SYCP2L: variants seen among roughly 807,000 people sequenced by gnomAD.
The protein encoded by SYCP2L is synaptonemal complex protein 2-like.
SYCP2L carries 98 observed loss-of-function variants against 125.8 expected under a neutral mutation model. The ratio of observed to expected loss-of-function variants is 0.78; its 90% CI spans 0.66 to 0.92. The LOEUF (loss-of-function observed/expected upper bound fraction) is 0.92. Ranked by LOEUF, SYCP2L falls within the 40% of genes least tolerant of loss-of-function variation. The probability of loss-of-function intolerance (pLI) is 0.00; values close to 1 mark genes in which losing one functional copy is unlikely to be tolerated. For missense variants in SYCP2L, 842 were observed against 936.4 expected (o/e 0.90, Z 1.32); for synonymous variants, 317 against 325.4 (o/e 0.97, Z 0.28).
chr6:10,907,774 AT>A (rs1199164824), intron 10 of SYCP2L, 90 bp downstream of exon 10: 4 of 1,388,620 alleles, frequency 2.9e-6, no homozygotes, highest in Non-Finnish European at 3.9e-6. Context: ...TTACGGGAGG[AT>A]TTTTTTGCTT....
chr6:10,931,811 A>G (rs190461515), intron 20 of SYCP2L, among the ~76,000 whole-genome samples: 119 of 152,164 alleles, frequency 7.8e-4, no homozygotes, highest in Non-Finnish European at 9.7e-4. Flanking sequence ...CAAAAAATAC[A>G]AAAATTAGCC....
At chr6:10,967,513 GA>G (rs1291463886) in intron 29 of SYCP2L, among the ~76,000 whole-genome samples, 1 of 144,050 alleles carries the variant, frequency 6.9e-6, no homozygotes, top group East Asian at 2.1e-4. Flanking sequence ...GAGAAAAAAA[GA>G]AAAACCATTA....
chr6:10,887,169 C>G, intron 1 of SYCP2L, 34 bp downstream of exon 1: 1 of 1,613,980 alleles, frequency 6.2e-7, no homozygotes, highest in South Asian at 1.1e-5. Context: ...GACCTTCTGT[C>G]CACAGTGCTA....
chr6:10,958,873 C>T lies in SYCP2L; in HGVS notation c.2253C>T (p.Phe751=). The part of the protein sequence containing the change: ...LIKLLNQMQL[F]RLNKLERFQN... The stretch of plus-strand genomic sequence containing the variant: ...AACTTTTAAACCAGATGCAACTGTT[C>T]AGGTAAGTTTTAGGTTTCAAAACAA... Residue 751 remains phenylalanine, a splice_region_variant and synonymous_variant, in exon 26 of 30, where the codon TTC becomes TTT. Coordinates refer to ENST00000283141, the MANE Select transcript of SYCP2L (RefSeq NM_001040274.3). The T allele has an allele frequency of 6.2e-7, 1 of 1,613,734 alleles. No homozygotes were observed. The highest frequency in any genetic ancestry group is 1.1e-5 in the South Asian group (1 of 91,026).
intron 10 of SYCP2L, among the ~76,000 whole-genome samples, chr6:10,909,833 A>G (rs1780573786): frequency 6.6e-6 from 1 of 152,202 alleles, no homozygotes; most frequent in Admixed American, 6.5e-5. Context: ...CATCAGTAAG[A>G]CGTATTTATC....
intron 6 of SYCP2L, among the ~76,000 whole-genome samples, chr6:10,900,073 A>C (rs755342996): frequency 1.3e-5 from 2 of 152,148 alleles, no homozygotes; most frequent in Non-Finnish European, 2.9e-5. Context: ...TGCTATAATG[A>C]CTTTCATTGC....
rs1561678758 is a variant in SYCP2L, at chr6:10,893,974, A to G, written c.186A>G (p.Leu62=). 4 of 1,611,890 alleles carry G rather than the reference A, an allele frequency of 2.5e-6. No homozygotes were observed. Among genetic ancestry groups the G allele is most frequent in the African/African-American group, 1.3e-5 (1 of 74,908 alleles). Residue 62 remains leucine (L), a synonymous_variant, in exon 3 of 30, where the codon CTA becomes CTG. Transcript: ENST00000283141. ...TTCCTCAAAAATATAATCGTCTTCTATTATACCGTCTTGACAGATCAATAA... is the reference window on the plus strand; with the variant it reads ...TTCCTCAAAAATATAATCGTCTTCTGTTATACCGTCTTGACAGATCAATAA... ...SHFPQKYNRL[L]LYRLDRSINK... is the part of the protein sequence containing the mutation.
At chr6:10,910,792 T>C in intron 11 of SYCP2L, 32 bp from the exon 12 acceptor site, 2 of 1,612,174 alleles carry the variant, frequency 1.2e-6, no homozygotes, top group Non-Finnish European at 1.7e-6. Flanking sequence ...TTCATTCATG[T>C]TTTATTTTTT....
At chr6:10,961,221 C>A (rs2295599) in intron 26 of SYCP2L, 84 bp from the exon 27 acceptor site, 227,580 of 1,071,890 alleles carry the variant, frequency 0.21, 28,554 homozygotes, top group East Asian at 0.45. Flanking sequence ...TCTGAAGTAT[C>A]CTTGTAATCA....
chr6:10,971,414 T>A (rs1460771234), intron 29 of SYCP2L, among the ~76,000 whole-genome samples: 1 of 143,168 alleles, frequency 7.0e-6, no homozygotes, highest in Non-Finnish European at 1.5e-5. Flanking sequence ...GCCGAGATCG[T>A]GCCACTGCAT....
rs544649024 is a variant in SYCP2L, at chr6:10,958,731, A to G, written c.2164-53A>G. On this transcript the variant is annotated intron_variant, in intron 25 of 29. Transcript: ENST00000283141. ...CTTTTTAACACAAAGCATGCACTCA[A>G]CTTATGTAATTATATTAAATGTGAT... The G allele has an allele frequency of 2.6e-6, 4 of 1,515,560 alleles. No homozygotes were observed. The East Asian group carries it at 6.8e-5, about 26-fold the overall frequency. The allele number at this position is 1,515,560 out of a possible 1,614,324, so 93.9% of individuals were successfully genotyped here.
chr6:10,958,204 T>C (rs1034248186), intron 25 of SYCP2L, among the ~76,000 whole-genome samples: 6 of 139,818 alleles, frequency 4.3e-5, no homozygotes, highest in African/African-American at 1.7e-4. Context: ...CGAGACTGGA[T>C]AATTTATTTT....
At chr6:10,955,059 C>A in intron 23 of SYCP2L, 57 bp from the exon 24 acceptor site, 1 of 1,312,598 alleles carries the variant, frequency 7.6e-7, no homozygotes, top group African/African-American at 1.4e-5. Context: ...CATTAACTGC[C>A]AAAAAATGAA....
intron 14 of SYCP2L, 26 bp from the exon 15 acceptor site, chr6:10,924,470 C>A: frequency 1.3e-6 from 2 of 1,521,136 alleles, no homozygotes; most frequent in Admixed American, 2.3e-5. Flanking sequence ...TGTTGCTATG[C>A]ATTGATATTC....
rs1462909560 is a variant in SYCP2L, at chr6:10,928,228, CAAGG to C, written c.1441-174_1441-171del. ...AGGGTATTGTGATACCCTTGTGATA[CAAGG>C]GTATCACAAGGCATAGGAAATCACA... On this transcript the variant is annotated intron_variant, in intron 17 of 29. Coordinates refer to ENST00000283141, the MANE Select transcript of SYCP2L (RefSeq NM_001040274.3). Among the ~76,000 whole-genome samples, 3 of 151,516 alleles carry C rather than the reference CAAGG, an allele frequency of 2.0e-5. No individual in the cohort carries two copies. In the East Asian group the frequency reaches 5.8e-4, roughly 29 times the overall value.
intron 26 of SYCP2L, among the ~76,000 whole-genome samples, chr6:10,959,597 T>C (rs1189258825): frequency 1.3e-5 from 2 of 152,076 alleles, no homozygotes; most frequent in Non-Finnish European, 2.9e-5. Context: ...CAGCCAGGCG[T>C]GGTGGCTCAC....
chr6:10,922,931 A>G (rs1159169196), intron 14 of SYCP2L: 1 of 152,220 alleles, frequency 6.6e-6, no homozygotes, highest in Non-Finnish European at 1.5e-5. Context: ...TATATCCTGG[A>G]ATAATAATAT....
chr6:10,943,047 C>T (rs532360259), intron 23 of SYCP2L, among the ~76,000 whole-genome samples: 2 of 152,166 alleles, frequency 1.3e-5, no homozygotes, highest in African/African-American at 4.8e-5. Flanking sequence ...GGCACAGTGG[C>T]GGTACTTTGC....
intron 9 of SYCP2L, among the ~76,000 whole-genome samples, chr6:10,906,983 T>C (rs547605152): frequency 2.2e-4 from 34 of 152,256 alleles, no homozygotes; most frequent in African/African-American, 7.9e-4. Context: ...ATAAATATTA[T>C]TTATTTAAAA....
Sources: gnomAD v4.1 joint callset for allele counts (sites outside exome capture counted in the v4.1 genomes callset) on GRCh38, gnomAD v4.1.1 for gene constraint, MANE v1.5 for transcripts, NCBI Gene and HGNC (gene_info 2026-07-23, HGNC 2026-07-21) for gene names.